Variants in KDM7A observed in about 807,000 individuals in gnomAD.
KDM7A encodes the protein lysine demethylase 7A.
KDM7A carries 28 observed loss-of-function variants against 114.8 expected under a neutral mutation model. The observed-to-expected ratio is 0.24, with a 90% CI of 0.18 to 0.33. KDM7A has a LOEUF of 0.33. KDM7A is among the 10% of genes least tolerant of loss of function. The probability of loss-of-function intolerance (pLI) is 1.00; values close to 1 mark genes in which losing one functional copy is unlikely to be tolerated. For missense variants in KDM7A, 942 were observed against 1,142.5 expected (o/e 0.82, Z 2.53); for synonymous variants, 423 against 397.8 (o/e 1.06, Z -0.75).
At chr7:140,136,881 G>C (rs193238104) in intron 2 of KDM7A, among the ~76,000 whole-genome samples, 4 of 152,354 alleles carry the variant, frequency 2.6e-5, no homozygotes, top group African/African-American at 9.6e-5. Context: ...CAGCTACTCA[G>C]GAGGCTGAGG....
chr7:140,098,718 G>A (rs973083662), intron 14 of KDM7A, among the ~76,000 whole-genome samples, 161 bp downstream of exon 14: 2 of 152,044 alleles, frequency 1.3e-5, no homozygotes, highest in Non-Finnish European at 2.9e-5. Flanking sequence ...GGGCATTCAC[G>A]TTCAGCACTT....
In KDM7A at chr7:140,090,781, C is replaced by T. The variant is rs978231927; in HGVS notation, c.*313G>A. ...TAAATAAATTATTGATAATTCTTTA[C>T]CCTACCACTGAAAATACATCAAGAC... On this transcript the variant is annotated 3_prime_UTR_variant, in exon 20 of 20. Coordinates refer to ENST00000397560, the MANE Select transcript of KDM7A (RefSeq NM_030647.2). 26 of 302,544 alleles carry T rather than the reference C, an allele frequency of 8.6e-5. No homozygotes were observed. The East Asian group carries it at 1.4e-3, about 16-fold the overall frequency. The allele number at this position is 302,544 out of a possible 1,614,324, so 18.7% of individuals were successfully genotyped here.
chr7:140,160,007 T>C (rs879383495), intron 1 of KDM7A, among the ~76,000 whole-genome samples: 2 of 151,362 alleles, frequency 1.3e-5, no homozygotes, highest in Non-Finnish European at 2.9e-5. Flanking sequence ...TCAATCATCA[T>C]TACCCTTCTG....
At position 140,126,440 on chromosome 7, in the gene KDM7A, T is replaced by C. The variant is rs191154195; in HGVS notation, c.888+197A>G. Among the ~76,000 whole-genome samples the C allele has an allele frequency of 1.1e-3, 160 of 146,718 alleles. 2 individuals are homozygous for C. The highest frequency in any genetic ancestry group is 3.9e-3 in the African/African-American group (153 of 39,068). Reference sequence around the variant, plus strand: ...AAATCTAATATAAATTTAAAAGTCATGGCTCTTCCATTATTTGAGATTAAA... The same window carrying C: ...AAATCTAATATAAATTTAAAAGTCACGGCTCTTCCATTATTTGAGATTAAA... On this transcript the variant is annotated intron_variant, in intron 6 of 19. Transcript: ENST00000397560.
chr7:140,105,574 A>G (rs1043974567), intron 11 of KDM7A, among the ~76,000 whole-genome samples: 5 of 152,170 alleles, frequency 3.3e-5, no homozygotes, highest in African/African-American at 1.2e-4. Flanking sequence ...GGTTCTGTTT[A>G]TATGATGGAT....
chr7:140,124,357 A>G (rs1818664406), intron 7 of KDM7A, among the ~76,000 whole-genome samples: 1 of 152,210 alleles, frequency 6.6e-6, no homozygotes, highest in African/African-American at 2.4e-5. Flanking sequence ...GTACACTTTA[A>G]AAGGGTGAAT....
In KDM7A at chr7:140,176,801, T is replaced by C; in HGVS notation, c.137A>G (p.Tyr46Cys). ...CTCGATCATGAAGCGGTTCACGTCG[T>C]ACGGCTGCCGGCACACACAGTACAC... The part of the protein sequence containing the change: ...PPVYCVCRQP[Y>C]DVNRFMIECD... The change falls in exon 1 of 20, where the codon TAC (tyrosine) becomes TGC (cysteine). Residue 46 changes from tyrosine to cysteine, a missense_variant. Coordinates refer to ENST00000397560, the MANE Select transcript of KDM7A (RefSeq NM_030647.2). This position sits in a 1 kb window ranked among gnomAD's most constrained non-coding sequence, Gnocchi z 4.4. 7.1e-7 allele frequency: 1 copy of C among 1,414,766 alleles called. No individual in the cohort carries two copies. The highest frequency in any genetic ancestry group is 3.4e-5 in the East Asian group (1 of 29,302). The allele number at this position is 1,414,766 out of a possible 1,614,324, so 87.6% of individuals were successfully genotyped here.
chr7:140,156,259 C>T (rs1214574771), intron 1 of KDM7A, among the ~76,000 whole-genome samples: 2 of 152,202 alleles, frequency 1.3e-5, no homozygotes, highest in East Asian at 1.9e-4. Context: ...TCTACTTTGA[C>T]AGCCATGTTC....
At chr7:140,094,224 G>T in intron 17 of KDM7A, 86 bp from the exon 18 acceptor site, 1 of 871,704 alleles carries the variant, frequency 1.1e-6, no homozygotes, top group Non-Finnish European at 2.0e-6. Context: ...ATGAAAGCAG[G>T]TTGGGCGTGA....
intron 1 of KDM7A, among the ~76,000 whole-genome samples, chr7:140,167,422 A>G (rs2116856603): frequency 6.6e-6 from 1 of 152,332 alleles, no homozygotes. Context: ...CAGTGGAATA[A>G]AACAGAAAGT....
Position 140,124,665 on chromosome 7 carries a change from T to C in KDM7A, c.1007A>G (p.Tyr336Cys). 2 of 1,613,826 alleles carry C rather than the reference T, an allele frequency of 1.2e-6. No individual in the cohort carries two copies. The highest frequency in any genetic ancestry group is 1.1e-5 in the South Asian group (1 of 91,016). Residue 336 changes from tyrosine to cysteine, a missense_variant, in exon 7 of 20, where the codon TAC (tyrosine) becomes TGC (cysteine). Transcript: ENST00000397560. ...VFFGDKVDKC[Y>C]KCVVKQGHTL... The stretch of plus-strand genomic sequence containing the variant: ...ATGTCCCTGCTTTACCACACATTTG[T>C]AGCATTTATCCACCTTATCTCCAAA...
At chr7:140,169,016 A>G (rs1794608950) in intron 1 of KDM7A, among the ~76,000 whole-genome samples, 1 of 152,212 alleles carries the variant, frequency 6.6e-6, no homozygotes, top group Non-Finnish European at 1.5e-5. Flanking sequence ...CATGTGTGCA[A>G]TTAGTGTATT....
intron 1 of KDM7A, among the ~76,000 whole-genome samples, chr7:140,159,896 A>G (rs188613772): frequency 1.7e-4 from 26 of 149,330 alleles, no homozygotes; most frequent in South Asian, 8.6e-4. Context: ...CCTGCTTTGT[A>G]TAGCCATTCT....
chr7:140,174,428 T>C (rs1043237515), intron 1 of KDM7A, among the ~76,000 whole-genome samples: 1 of 152,190 alleles, frequency 6.6e-6, no homozygotes, highest in African/African-American at 2.4e-5. Flanking sequence ...GTAAGCCCTC[T>C]GTATTTCCTA....
At position 140,107,906 on chromosome 7, in the gene KDM7A, C is replaced by T. The variant is rs1269848164; in HGVS notation, c.1428+3189G>A. Among the ~76,000 whole-genome samples, 38 of 152,214 alleles carry T rather than the reference C, an allele frequency of 2.5e-4. 1 individual carries two copies. The highest frequency in any genetic ancestry group is 2.5e-3 in the Admixed American group (38 of 15,280). ...CCATTCTCCCCGTCACTTTCAGGTA[C>T]ACCTATCAGACGTACATTTGGTCTT... On this transcript the variant is annotated intron_variant, in intron 11 of 19. Coordinates refer to ENST00000397560, the MANE Select transcript of KDM7A (RefSeq NM_030647.2).
Position 140,124,655 on chromosome 7 carries a change from C to T in KDM7A, c.1017G>A (p.Val339=), listed in dbSNP as rs1170597141. 1 of 1,613,182 alleles carries T rather than the reference C, an allele frequency of 6.2e-7. No homozygotes were observed. Among genetic ancestry groups the T allele is most frequent in the Non-Finnish European group, 8.5e-7 (1 of 1,179,658 alleles). Residue 339 remains valine, a synonymous_variant, in exon 7 of 20, where the codon GTG becomes GTA. Coordinates refer to ENST00000397560, the MANE Select transcript of KDM7A (RefSeq NM_030647.2). ...CAAATAAGGTATGTCCCTGCTTTAC[C>T]ACACATTTGTAGCATTTATCCACCT... ...GDKVDKCYKC[V]VKQGHTLFVP... is the part of the protein sequence containing the mutation.
intron 7 of KDM7A, 86 bp from the exon 8 acceptor site, chr7:140,120,615 A>G: frequency 4.0e-6 from 3 of 748,654 alleles, no homozygotes; most frequent in East Asian, 2.5e-5. Flanking sequence ...GTAACTCAAA[A>G]TATCAATATC....
intron 11 of KDM7A, among the ~76,000 whole-genome samples, chr7:140,105,030 G>T (rs1234228120): frequency 6.6e-6 from 1 of 152,092 alleles, no homozygotes; most frequent in Non-Finnish European, 1.5e-5. Context: ...GGATTCCTAG[G>T]TATTTTACTC....
At chr7:140,131,548 CTG>C (rs1248555829) in intron 3 of KDM7A, among the ~76,000 whole-genome samples, 1 of 152,180 alleles carries the variant, frequency 6.6e-6, no homozygotes, top group Non-Finnish European at 1.5e-5. Flanking sequence ...CCTAAGAAAA[CTG>C]AGAGTCCTTT....
Sources: gnomAD v4.1 joint callset for allele counts (sites outside exome capture counted in the v4.1 genomes callset) on GRCh38, gnomAD v4.1.1 for gene constraint, Gnocchi (gnomAD v3.1) non-coding constraint, MANE v1.5 for transcripts, NCBI Gene and HGNC (gene_info 2026-07-23, HGNC 2026-07-21) for gene names.